RUNDC3B: variants seen among roughly 807,000 people sequenced by gnomAD.
RUNDC3B encodes RUN domain containing 3B.
A neutral mutation model predicts 58.4 loss-of-function variants in RUNDC3B; 33 were observed. The observed-to-expected ratio is 0.56, with a 90% CI of 0.43 to 0.75. The LOEUF is 0.75. Ranked by LOEUF, RUNDC3B falls within the 30% of genes least tolerant of loss-of-function variation. The pLI is 0.00. For missense variants in RUNDC3B, 501 were observed against 535.7 expected, an observed-to-expected ratio of 0.94 and a Z score of 0.64; for synonymous variants, 193 against 195.2, an observed-to-expected ratio of 0.99 and a Z score of 0.10.
chr7:87,743,972 C>T (rs187090970), intron 6 of RUNDC3B, among the ~76,000 whole-genome samples: 115 of 152,268 alleles, frequency 7.6e-4, no homozygotes, highest in Admixed American at 1.9e-3. Flanking sequence ...CTTAATCCAT[C>T]TTGAGTGATT....
At chr7:87,632,447 T>G (rs1821318297) in intron 1 of RUNDC3B, among the ~76,000 whole-genome samples, 1 of 152,208 alleles carries the variant, frequency 6.6e-6, no homozygotes, top group African/African-American at 2.4e-5. Flanking sequence ...TGCATAGTCC[T>G]TATTTCATCA....
Position 87,668,119 on chromosome 7 carries a change from C to CT in RUNDC3B, c.238+17194dup, listed in dbSNP as rs368910521. Among the ~76,000 whole-genome samples, 365 of 137,664 alleles carry CT rather than the reference C, an allele frequency of 2.7e-3. 1 individual carries two copies. Among genetic ancestry groups the CT allele is most frequent in the African/African-American group, 5.6e-3 (211 of 37,820 alleles). The allele number at this position is 137,664 out of a possible 152,430, so 90.3% of individuals were successfully genotyped here. A position where few individuals can be genotyped will look rare whatever the true frequency, so the allele number is the denominator to read the frequency against. ...AGTTATGAATCCATCAGGCCCTTGG[C>CT]TTTTTTTTTTTTGGTAGGCTATTTA... On this transcript the variant is annotated intron_variant, in intron 2 of 10. Transcript: ENST00000394654.
At chr7:87,783,564 T>C (rs888656457) in intron 8 of RUNDC3B, among the ~76,000 whole-genome samples, 1 of 152,156 alleles carries the variant, frequency 6.6e-6, no homozygotes, top group Non-Finnish European at 1.5e-5. Flanking sequence ...CTGGTTGCTT[T>C]GTAGTCTTGA....
At position 87,807,495 on chromosome 7, in the gene RUNDC3B, G is replaced by A. The variant is rs769895514; in HGVS notation, c.1079G>A (p.Arg360Gln). ...NAVALDTLLY[R>Q]KHNKQWYEKS... The stretch of plus-strand genomic sequence containing the variant: ...GTTGCCTTGGATACGTTGCTTTACC[G>A]AAAACACAATAAACAGTGGTATGAG... The change falls in exon 9 of 11, where the codon CGA becomes CAA. Residue 360 changes from arginine to glutamine, a missense_variant. Coordinates refer to ENST00000394654, the MANE Select transcript of RUNDC3B (RefSeq NM_001134405.2). 30 of 1,613,290 alleles carry A rather than the reference G, an allele frequency of 1.9e-5. No homozygotes were observed. The highest frequency in any genetic ancestry group is 3.3e-5 in the Admixed American group (2 of 59,960).
intron 6 of RUNDC3B, among the ~76,000 whole-genome samples, chr7:87,760,523 C>A (rs1032229367): frequency 6.6e-6 from 1 of 151,840 alleles, no homozygotes; most frequent in African/African-American, 2.4e-5. Context: ...TCTAAATAGC[C>A]AAAACAATCT....
intron 8 of RUNDC3B, among the ~76,000 whole-genome samples, chr7:87,789,142 T>C (rs1835392729): frequency 6.6e-6 from 1 of 152,186 alleles, no homozygotes; most frequent in Non-Finnish European, 1.5e-5. Flanking sequence ...CAGGAATAAA[T>C]AGCCACGGAA....
intron 10 of RUNDC3B, among the ~76,000 whole-genome samples, chr7:87,816,923 C>T (rs956123922): frequency 1.3e-5 from 2 of 152,178 alleles, no homozygotes; most frequent in South Asian, 2.1e-4. Flanking sequence ...TTCTTTCTCT[C>T]CTTCAGCATA....
intron 8 of RUNDC3B, among the ~76,000 whole-genome samples, chr7:87,779,802 G>T: frequency 6.7e-6 from 1 of 149,212 alleles, no homozygotes; most frequent in South Asian, 2.1e-4. Context: ...CCTTCTCATA[G>T]TCCCCTGTGT....
intron 6 of RUNDC3B, among the ~76,000 whole-genome samples, chr7:87,754,943 C>CA (rs35896180): frequency 0.28 from 20,114 of 73,110 alleles, 2,212 homozygotes; most frequent in Non-Finnish European, 0.34. Flanking sequence ...GCTTACCAAC[C>CA]AAAAAAAAAA....
intron 8 of RUNDC3B, among the ~76,000 whole-genome samples, chr7:87,786,101 T>C (rs1466504287): frequency 6.6e-6 from 1 of 152,140 alleles, no homozygotes; most frequent in Non-Finnish European, 1.5e-5. Context: ...AATGTGATGG[T>C]TTACTTGATA....
At chr7:87,679,897 A>G (rs1435172555) in intron 2 of RUNDC3B, among the ~76,000 whole-genome samples, 1 of 150,694 alleles carries the variant, frequency 6.6e-6, no homozygotes, top group Non-Finnish European at 1.5e-5. Flanking sequence ...CTGAAAAATC[A>G]CCAAATGTTT....
chr7:87,805,729 G>GC (rs1277729827), intron 8 of RUNDC3B, among the ~76,000 whole-genome samples: 3 of 152,182 alleles, frequency 2.0e-5, no homozygotes, highest in African/African-American at 7.2e-5. Context: ...CCTCACAGAT[G>GC]CACCTTTGCT....
Position 87,690,286 on chromosome 7 carries a change from G to T in RUNDC3B, c.239-10135G>T, listed in dbSNP as rs114140308. Among the ~76,000 whole-genome samples the T allele has an allele frequency of 4.8e-3, 730 of 152,066 alleles. 4 individuals are homozygous for T. The highest frequency in any genetic ancestry group is 0.017 in the African/African-American group (692 of 41,486). The stretch of plus-strand genomic sequence containing the variant: ...AATAGTTGTCACTGTTTAGTTGATT[G>T]CCATTGTTCATGTGATCTATATTTT... On this transcript the variant is annotated intron_variant, in intron 2 of 10. Coordinates refer to ENST00000394654, the MANE Select transcript of RUNDC3B (RefSeq NM_001134405.2).
At chr7:87,668,968 A>G (rs939750572) in intron 2 of RUNDC3B, among the ~76,000 whole-genome samples, 1 of 152,026 alleles carries the variant, frequency 6.6e-6, no homozygotes, top group Non-Finnish European at 1.5e-5. Context: ...TTTGGTGGAG[A>G]GTTCTATAGA....
At chr7:87,728,300 C>T (rs1195266368) in intron 4 of RUNDC3B, among the ~76,000 whole-genome samples, 1 of 152,186 alleles carries the variant, frequency 6.6e-6, no homozygotes, top group Non-Finnish European at 1.5e-5. Context: ...TTCTCTCATT[C>T]TCTGAATAGG....
intron 2 of RUNDC3B, among the ~76,000 whole-genome samples, chr7:87,675,894 AAAGAT>A (rs1826305641): frequency 6.6e-6 from 1 of 152,150 alleles, no homozygotes; most frequent in Non-Finnish European, 1.5e-5. Context: ...GCAACAAAGA[AAAGAT>A]AAATAAGTGG....
chr7:87,783,077 G>T (rs2130891689), intron 8 of RUNDC3B, among the ~76,000 whole-genome samples: 1 of 152,158 alleles, frequency 6.6e-6, no homozygotes, highest in South Asian at 2.1e-4. Flanking sequence ...TACTATTATT[G>T]TGTGGTTAAG....
intron 10 of RUNDC3B, among the ~76,000 whole-genome samples, chr7:87,825,185 C>G (rs1258022001): frequency 6.6e-6 from 1 of 151,920 alleles, no homozygotes; most frequent in Non-Finnish European, 1.5e-5. Context: ...TCACACCACA[C>G]TCCAGCCTGG....
At chr7:87,796,889 A>T (rs1835850310) in intron 8 of RUNDC3B, among the ~76,000 whole-genome samples, 1 of 152,218 alleles carries the variant, frequency 6.6e-6, no homozygotes, top group African/African-American at 2.4e-5. Flanking sequence ...ATGGATAATT[A>T]TAAAATCTTG....
Sources: allele counts gnomAD v4.1 joint callset (sites outside exome capture counted in the v4.1 genomes callset), GRCh38; gene constraint gnomAD v4.1.1; transcripts MANE v1.5; gene names NCBI Gene and HGNC (gene_info 2026-07-23, HGNC 2026-07-21).